Variants in FAM171B observed in about 807,000 individuals in gnomAD.
FAM171B encodes the protein protein FAM171B.
In FAM171B, 19 loss-of-function variants were observed where a neutral mutation model predicts 75.6. The observed-to-expected ratio is 0.25, with a 90% CI of 0.18 to 0.37. FAM171B has a LOEUF of 0.37. FAM171B is among the 10% of genes least tolerant of loss of function. The pLI, the probability that FAM171B is intolerant of heterozygous loss-of-function variation, is 1.00. For missense variants in FAM171B, 848 were observed against 982.4 expected (o/e 0.86, Z 1.83); for synonymous variants, 367 against 361.7 (o/e 1.01, Z -0.17).
chr2:186,715,781 G>C (rs1199493077), intron 1 of FAM171B, among the ~76,000 whole-genome samples: 1 of 152,168 alleles, frequency 6.6e-6, no homozygotes, highest in Non-Finnish European at 1.5e-5. Flanking sequence ...TAGAGGTGTA[G>C]CTAGTAGAGT....
intron 1 of FAM171B, among the ~76,000 whole-genome samples, chr2:186,707,337 A>G (rs1316726289): frequency 4.6e-5 from 7 of 152,114 alleles, no homozygotes; most frequent in Admixed American, 4.6e-4. Flanking sequence ...TTAGGAGTCT[A>G]CTTTCTAAAT....
rs118074751 is a variant in FAM171B, at chr2:186,735,870, G to T, written c.239-4358G>T. Reference sequence around the variant, plus strand: ...AAAAATAGTTTGAGGAACAGCTTAAGACTCAAAGCTTATTTGGCCTTTTAT... The same window carrying T: ...AAAAATAGTTTGAGGAACAGCTTAATACTCAAAGCTTATTTGGCCTTTTAT... On this transcript the variant is annotated intron_variant, in intron 1 of 7. Coordinates refer to ENST00000304698, the MANE Select transcript of FAM171B (RefSeq NM_177454.4). Among the ~76,000 whole-genome samples, 18 of 152,320 alleles carry T rather than the reference G, an allele frequency of 1.2e-4. No homozygotes were observed. In the East Asian group the frequency reaches 3.5e-3, roughly 29 times the overall value.
rs141548972 is a variant in FAM171B at position 186,753,859 on chromosome 2, C to A, written c.896-74C>A. On this transcript the variant is annotated intron_variant, in intron 5 of 7. Coordinates refer to ENST00000304698, the MANE Select transcript of FAM171B (RefSeq NM_177454.4). ...GTTTTCATAATCTTTGAAAAAGTCC[C>A]ATAATGTATTCTGTGCATGACCATC... 97 of 1,107,240 alleles carry A rather than the reference C, an allele frequency of 8.8e-5. No homozygotes were observed. In the East Asian group the frequency reaches 2.3e-3, roughly 27 times the overall value. The allele number at this position is 1,107,240 out of a possible 1,614,324, so 68.6% of individuals were successfully genotyped here.
intron 1 of FAM171B, among the ~76,000 whole-genome samples, chr2:186,726,418 T>A (rs1690033768): frequency 6.6e-6 from 1 of 152,170 alleles, no homozygotes; most frequent in African/African-American, 2.4e-5. Flanking sequence ...AGGAGGCTTG[T>A]GTGTCCATAT....
At chr2:186,727,862 T>C (rs954746130) in intron 1 of FAM171B, among the ~76,000 whole-genome samples, 5 of 152,124 alleles carry the variant, frequency 3.3e-5, no homozygotes, top group African/African-American at 9.7e-5. Context: ...ATATATGTAG[T>C]TATATGTATC....
chr2:186,722,610 A>C (rs1372340007), intron 1 of FAM171B, among the ~76,000 whole-genome samples: 1 of 152,178 alleles, frequency 6.6e-6, no homozygotes, highest in African/African-American at 2.4e-5. Context: ...AATGTTTATC[A>C]TGCAGTAAAG....
At position 186,761,822 on chromosome 2, in the gene FAM171B, C is replaced by A. The variant is rs760544489; in HGVS notation, c.1480C>A (p.Pro494Thr). The change falls in exon 8 of 8, where the codon CCT (proline) becomes ACT (threonine). Residue 494 changes from proline (P) to threonine (T), a missense_variant. Pro to Thr is a conservative substitution (Grantham distance 38). Around this residue, in one of 3 missense-constraint regions of FAM171B, gnomAD observed 665 missense variants for 729.0 expected, o/e 0.91. Coordinates refer to ENST00000304698, the MANE Select transcript of FAM171B (RefSeq NM_177454.4). ...SLEPNVGSKQ[P>T]KHINNNLSSS... ...GGAGCCCAATGTAGGGTCCAAACAA[C>A]CTAAACATATTAACAACAATCTATC... The A allele has an allele frequency of 5.6e-6, 9 of 1,613,038 alleles. No homozygotes were observed. The East Asian group carries it at 2.0e-4, about 36-fold the overall frequency.
At chr2:186,759,308 G>C (rs1288523225) in intron 6 of FAM171B, among the ~76,000 whole-genome samples, 1 of 152,126 alleles carries the variant, frequency 6.6e-6, no homozygotes, top group Non-Finnish European at 1.5e-5. Flanking sequence ...CTGGGTTAGG[G>C]TCTTCCCGAC....
chr2:186,700,159 C>T (rs1689636683), intron 1 of FAM171B, among the ~76,000 whole-genome samples: 1 of 150,130 alleles, frequency 6.7e-6, no homozygotes, highest in Non-Finnish European at 1.5e-5. Flanking sequence ...TTTTCTATTT[C>T]TGTGAAGTAT....
intron 1 of FAM171B, among the ~76,000 whole-genome samples, chr2:186,736,538 CTGTGTGTGTGTGTGTG>C (rs10660120): frequency 1.6e-5 from 2 of 122,944 alleles, no homozygotes; most frequent in Admixed American, 1.7e-4. Flanking sequence ...ATGTTTGTGG[CTGTGTGTGTGTGTGTG>C]TGTGTGTGTG....
At position 186,761,118 on chromosome 2, in the gene FAM171B, G is replaced by A. The variant is rs1484677282; in HGVS notation, c.1018G>A (p.Gly340Ser). The A allele has an allele frequency of 7.5e-6, 12 of 1,608,016 alleles. No individual in the cohort carries two copies. Among genetic ancestry groups the A allele is most frequent in the Non-Finnish European group, 9.3e-6 (11 of 1,177,352 alleles). Reference protein sequence around the residue: ...AAPLPGTRGSGINEDSKDITA... With the variant: ...AAPLPGTRGSSINEDSKDITA... ...GTTTATATTGAACCATGTAGGTTCA[G>A]GTATAAATGAAGATTCCAAGGACAT... Residue 340 changes from glycine to serine, a missense_variant, in exon 7 of 8, where the codon GGT (glycine) becomes AGT (serine). Gly to Ser is a moderately conservative substitution (Grantham distance 56). Transcript: ENST00000304698.
At chr2:186,710,740 C>T (rs1271499823) in intron 1 of FAM171B, among the ~76,000 whole-genome samples, 1 of 152,042 alleles carries the variant, frequency 6.6e-6, no homozygotes, top group Admixed American at 6.6e-5. Context: ...TTCCATGAGG[C>T]TTCTATCTGC....
In FAM171B at chr2:186,697,035, GATGGATGA is replaced by G. The variant is rs1559079217; in HGVS notation, c.238+2628_238+2635del. ...GGATGGATGGATGGATGGATGGATG[GATGGATGA>G]ATGAATGAATGAATTCACTTTCTCA... On this transcript the variant is annotated intron_variant, in intron 1 of 7. Transcript: ENST00000304698. 2.0e-4 allele frequency among the ~76,000 whole-genome samples: 29 copies of G among 145,630 alleles called. 1 individual carries two copies. Among genetic ancestry groups the G allele is most frequent in the South Asian group, 6.7e-4 (3 of 4,474 alleles).
chr2:186,723,721 C>G (rs536739276), intron 1 of FAM171B, among the ~76,000 whole-genome samples: 7 of 152,254 alleles, frequency 4.6e-5, no homozygotes, highest in East Asian at 1.9e-4. Context: ...AGAATTTGTA[C>G]TTTGCTTAAA....
At chr2:186,694,780 CA>C (rs1689555505) in intron 1 of FAM171B, among the ~76,000 whole-genome samples, 4 of 151,542 alleles carry the variant, frequency 2.6e-5, no homozygotes, top group Middle Eastern at 3.4e-3. Flanking sequence ...CACACACACA[CA>C]CACACACACA....
At chr2:186,701,869 A>T (rs1689667057) in intron 1 of FAM171B, among the ~76,000 whole-genome samples, 1 of 152,168 alleles carries the variant, frequency 6.6e-6, no homozygotes. Context: ...ATTGAACTTG[A>T]TTCTCTTTCA....
chr2:186,697,086 T>C (rs775938807), intron 1 of FAM171B, among the ~76,000 whole-genome samples: 8 of 152,204 alleles, frequency 5.3e-5, no homozygotes, highest in Non-Finnish European at 1.2e-4. Flanking sequence ...TTCGTCTTCA[T>C]TGGATAAATT....
intron 1 of FAM171B, among the ~76,000 whole-genome samples, chr2:186,726,144 C>T (rs906627181): frequency 1.3e-5 from 2 of 152,270 alleles, no homozygotes; most frequent in Non-Finnish European, 2.9e-5. Flanking sequence ...TTATTTGCTC[C>T]ATAACATTTT....
At chr2:186,739,063 T>G (rs1363321098) in intron 1 of FAM171B, among the ~76,000 whole-genome samples, 1 of 152,190 alleles carries the variant, frequency 6.6e-6, no homozygotes, top group East Asian at 1.9e-4. Context: ...GTAACACAAT[T>G]TTAAGTGTCA....
Sources: allele counts gnomAD v4.1 joint callset (sites outside exome capture counted in the v4.1 genomes callset), GRCh38; gene constraint gnomAD v4.1.1; regional missense constraint gnomAD v4.1.1; transcripts MANE v1.5; gene names NCBI Gene and HGNC (gene_info 2026-07-23, HGNC 2026-07-21).